The following CNTN3 variants were observed in gnomAD, a reference collection of about 807,000 sequenced individuals.
CNTN3 encodes contactin-3.
A neutral mutation model predicts 119.1 loss-of-function variants in CNTN3; 60 were observed. The ratio of observed to expected loss-of-function variants is 0.50; its 90% CI spans 0.41 to 0.62. The LOEUF is 0.62. Among genes scored for constraint, CNTN3 ranks in the 20% least tolerant of loss-of-function variants. The pLI is 0.00. For missense variants in CNTN3, 1,101 were observed against 1,242.4 expected (o/e 0.89, Z 1.71); for synonymous variants, 450 against 438.7 (o/e 1.03, Z -0.32).
intron 1 of CNTN3, among the ~76,000 whole-genome samples, chr3:74,587,832 T>C (rs1704622084): frequency 1.3e-5 from 2 of 152,186 alleles, no homozygotes; most frequent in Non-Finnish European, 1.5e-5. Context: ...CAACACTATG[T>C]TGAATAGGAG....
At chr3:74,355,856 TC>T (rs1418613856) in intron 11 of CNTN3, among the ~76,000 whole-genome samples, 1 of 151,990 alleles carries the variant, frequency 6.6e-6, no homozygotes, top group Non-Finnish European at 1.5e-5. Context: ...ATTCCTTAAT[TC>T]GGTATACACT....
intron 19 of CNTN3, among the ~76,000 whole-genome samples, chr3:74,294,680 T>C (rs1205442241): frequency 6.6e-6 from 1 of 152,156 alleles, no homozygotes; most frequent in Non-Finnish European, 1.5e-5. Context: ...AGAGAGGTCT[T>C]TGAAGGCTCA....
Position 74,407,405 on chromosome 3 carries a change from A to C in CNTN3, c.454+17440T>G, listed in dbSNP as rs559915658. On this transcript the variant is annotated intron_variant, in intron 5 of 22. Coordinates refer to ENST00000263665, the MANE Select transcript of CNTN3 (RefSeq NM_020872.3). ...TGCCTCAGCCTCTGAAGTAGCTGGGATTACAGGCATGTGCCACCACGCCTG... is the reference window on the plus strand; with the variant it reads ...TGCCTCAGCCTCTGAAGTAGCTGGGCTTACAGGCATGTGCCACCACGCCTG... Among the ~76,000 whole-genome samples the C allele has an allele frequency of 5.4e-5, 8 of 149,166 alleles. No homozygotes were observed. In the East Asian group the frequency reaches 1.6e-3, roughly 30 times the overall value.
chr3:74,477,149 T>C (rs540254568), intron 4 of CNTN3, among the ~76,000 whole-genome samples: 1 of 152,228 alleles, frequency 6.6e-6, no homozygotes. Flanking sequence ...GTGCTTGACA[T>C]ATATTAGCTC....
intron 6 of CNTN3, among the ~76,000 whole-genome samples, chr3:74,370,947 G>T (rs561510785): frequency 3.9e-5 from 6 of 151,988 alleles, no homozygotes; most frequent in African/African-American, 1.4e-4. Context: ...AATGATTTTT[G>T]AAAAAGGGGC....
intron 1 of CNTN3, among the ~76,000 whole-genome samples, chr3:74,604,856 C>T (rs989460439): frequency 9.2e-5 from 14 of 152,122 alleles, no homozygotes; most frequent in African/African-American, 2.9e-4. Flanking sequence ...CTCCTGTGTT[C>T]ATCGCAGCAT....
At chr3:74,417,923 T>C (rs1701550618) in intron 5 of CNTN3, among the ~76,000 whole-genome samples, 1 of 152,206 alleles carries the variant, frequency 6.6e-6, no homozygotes, top group Non-Finnish European at 1.5e-5. Context: ...TACCTAACTG[T>C]TTGCCATGAC....
chr3:74,584,498 C>T (rs560298056), intron 1 of CNTN3, among the ~76,000 whole-genome samples: 1 of 152,126 alleles, frequency 6.6e-6, no homozygotes, highest in East Asian at 1.9e-4. Context: ...CACCATGTGA[C>T]GTCTGCTCCC....
chr3:74,353,513 T>C (rs1287481851), intron 11 of CNTN3, among the ~76,000 whole-genome samples: 1 of 152,138 alleles, frequency 6.6e-6, no homozygotes, highest in Admixed American at 6.5e-5. Flanking sequence ...TCCCAGCACT[T>C]TGGGAGGCCG....
intron 4 of CNTN3, among the ~76,000 whole-genome samples, chr3:74,456,460 G>T (rs1300339210): frequency 1.3e-5 from 2 of 151,984 alleles, no homozygotes; most frequent in African/African-American, 4.8e-5. Context: ...ATCTCAACAG[G>T]AGGGGAATAG....
intron 2 of CNTN3, among the ~76,000 whole-genome samples, chr3:74,515,916 C>G (rs540761776): frequency 6.6e-6 from 1 of 152,076 alleles, no homozygotes; most frequent in Admixed American, 6.6e-5. Context: ...CTCTCCTCAA[C>G]TCCTCTCAGT....
chr3:74,268,046 G>A lies in CNTN3; in HGVS notation c.2705-668C>T, dbSNP rs117541881. ...GAGAGTCTATATTTTAAAAGTCTTCGTTTTCCAGGCTTAAATCAATTTTTG... is the reference window on the plus strand; with the variant it reads ...GAGAGTCTATATTTTAAAAGTCTTCATTTTCCAGGCTTAAATCAATTTTTG... On this transcript the variant is annotated intron_variant, in intron 20 of 22. Transcript: ENST00000263665. Among the ~76,000 whole-genome samples, 1,166 of 152,154 alleles carry A rather than the reference G, an allele frequency of 7.7e-3. 8 individuals carry two copies. The highest frequency in any genetic ancestry group is 0.039 in the East Asian group (201 of 5,176).
chr3:74,500,180 G>A (rs557746982), intron 2 of CNTN3, among the ~76,000 whole-genome samples: 13 of 151,990 alleles, frequency 8.6e-5, no homozygotes, highest in African/African-American at 2.4e-4. Flanking sequence ...TCATAAAATC[G>A]GCTTGGCATG....
chr3:74,506,479 G>T (rs190203355), intron 2 of CNTN3, among the ~76,000 whole-genome samples: 17 of 152,218 alleles, frequency 1.1e-4, no homozygotes, highest in African/African-American at 3.8e-4. Flanking sequence ...AGTCTTGGGA[G>T]ATTAAAATGT....
intron 3 of CNTN3, among the ~76,000 whole-genome samples, chr3:74,493,114 A>G (rs1702998301): frequency 6.6e-6 from 1 of 152,138 alleles, no homozygotes; most frequent in African/African-American, 2.4e-5. Context: ...CTTACTAGTT[A>G]TTATTATTTA....
At chr3:74,492,608 T>C (rs7653799) in intron 3 of CNTN3, among the ~76,000 whole-genome samples, 1 of 152,194 alleles carries the variant, frequency 6.6e-6, no homozygotes, top group Non-Finnish European at 1.5e-5. Context: ...GACATAGGAG[T>C]TATTTCAAAA....
chr3:74,602,314 A>G (rs985971461), intron 1 of CNTN3, among the ~76,000 whole-genome samples: 25 of 151,004 alleles, frequency 1.7e-4, no homozygotes, highest in African/African-American at 6.1e-4. Flanking sequence ...AAAAAAAAAA[A>G]AAAAAAAAGA....
chr3:74,427,645 T>C (rs1334996146), intron 4 of CNTN3, among the ~76,000 whole-genome samples: 3 of 152,272 alleles, frequency 2.0e-5, no homozygotes, highest in African/African-American at 7.2e-5. Flanking sequence ...TATCATCATA[T>C]TTAATGGTGA....
rs188641175 is a variant in CNTN3, at chr3:74,474,736, G to A, written c.358+11720C>T. On this transcript the variant is annotated intron_variant, in intron 4 of 22. Transcript: ENST00000263665. ...CCCAAATCTCATATTGAAATGCAACGCCAAGTGTTGGAGGTGGGGCCTGGT... is the reference window on the plus strand; with the variant it reads ...CCCAAATCTCATATTGAAATGCAACACCAAGTGTTGGAGGTGGGGCCTGGT... Among the ~76,000 whole-genome samples the A allele has an allele frequency of 2.2e-3, 332 of 152,226 alleles. 2 individuals carry two copies. Among genetic ancestry groups the A allele is most frequent in the Non-Finnish European group, 3.2e-3 (215 of 68,000 alleles).
Sources: allele counts gnomAD v4.1 joint callset (sites outside exome capture counted in the v4.1 genomes callset), GRCh38; gene constraint gnomAD v4.1.1; transcripts MANE v1.5; gene names NCBI Gene and HGNC (gene_info 2026-07-23, HGNC 2026-07-21).